The following LRBA variants were observed in gnomAD, a reference collection of about 807,000 sequenced individuals.
LRBA encodes the protein LPS responsive beige-like anchor protein, also known as lipopolysaccharide-responsive and beige-like anchor protein.
LRBA carries 176 observed loss-of-function variants against 330.0 expected under a neutral mutation model. The ratio of observed to expected loss-of-function variants is 0.53; its 90% CI spans 0.47 to 0.60. LRBA has a LOEUF of 0.60. LRBA is among the 20% of genes least tolerant of loss of function. The pLI is 0.00. For missense variants in LRBA, 3,259 were observed against 3,444.8 expected, an observed-to-expected ratio of 0.95 and a Z score of 1.35; for synonymous variants, 1,230 against 1,193.0, an observed-to-expected ratio of 1.03 and a Z score of -0.64.
At chr4:150,694,252 T>G (rs1784412331) in intron 36 of LRBA, among the ~76,000 whole-genome samples, 1 of 151,960 alleles carries the variant, frequency 6.6e-6, no homozygotes, top group Admixed American at 6.6e-5. Flanking sequence ...ACATTTTTAG[T>G]TAACCAAGCA....
intron 36 of LRBA, among the ~76,000 whole-genome samples, chr4:150,727,078 T>TG (rs1170250831): frequency 7.4e-5 from 10 of 135,088 alleles, no homozygotes; most frequent in Non-Finnish European, 1.6e-4. Context: ...TTTTTTTTTT[T>TG]TTTTTTTTTT....
chr4:151,006,437 T>C (rs946942996), intron 2 of LRBA, among the ~76,000 whole-genome samples: 1 of 152,130 alleles, frequency 6.6e-6, no homozygotes, highest in African/African-American at 2.4e-5. Context: ...ACTTTTGAAG[T>C]ATCAAAACAC....
At chr4:150,642,349 A>T (rs867059454) in intron 37 of LRBA, among the ~76,000 whole-genome samples, 1 of 151,956 alleles carries the variant, frequency 6.6e-6, no homozygotes, top group South Asian at 2.1e-4. Flanking sequence ...AAAGATAAAG[A>T]TAAGCTTTTA....
At chr4:150,582,762 T>A in intron 40 of LRBA, 1 of 411,634 alleles carries the variant, frequency 2.4e-6, no homozygotes, top group Non-Finnish European at 4.3e-6. Context: ...GCAAAAAGGT[T>A]CCAAGAGGTA....
At chr4:150,803,223 T>C (rs1741998914) in intron 33 of LRBA, among the ~76,000 whole-genome samples, 1 of 151,436 alleles carries the variant, frequency 6.6e-6, no homozygotes, top group Non-Finnish European at 1.5e-5. Context: ...TTAGGTGTAA[T>C]AGCAGCATTG....
intron 34 of LRBA, among the ~76,000 whole-genome samples, chr4:150,786,551 T>C (rs961329344): frequency 3.3e-5 from 5 of 152,048 alleles, no homozygotes; most frequent in African/African-American, 7.2e-5. Context: ...GCCTAGACTT[T>C]TGTATTTCTG....
rs746676541 is a variant in LRBA at position 150,808,301 on chromosome 4, A to T, written c.5384+19T>A. ...TCAAAAGGTATAAATCACAATATTC[A>T]AGTTAGTAGCTTAAATACCTCATAT... On this transcript the variant is annotated intron_variant, in intron 32 of 56. Coordinates refer to ENST00000651943, the MANE Select transcript of LRBA (RefSeq NM_001364905.1). 2 of 1,555,324 alleles carry T rather than the reference A, an allele frequency of 1.3e-6. No individual in the cohort carries two copies. The highest frequency in any genetic ancestry group is 1.8e-6 in the Non-Finnish European group (2 of 1,130,632).
At chr4:150,666,815 G>A (rs1334557551) in intron 37 of LRBA, among the ~76,000 whole-genome samples, 1 of 152,066 alleles carries the variant, frequency 6.6e-6, no homozygotes, top group African/African-American at 2.4e-5. Flanking sequence ...CAAAGCCTTA[G>A]TCACATCCAT....
At chr4:150,920,896 T>C (rs1733181386) in intron 5 of LRBA, among the ~76,000 whole-genome samples, 1 of 152,096 alleles carries the variant, frequency 6.6e-6, no homozygotes, top group African/African-American at 2.4e-5. Flanking sequence ...AAGATAGACA[T>C]GAAGGTGTTA....
intron 35 of LRBA, among the ~76,000 whole-genome samples, chr4:150,760,128 C>A (rs1222060634): frequency 6.6e-6 from 1 of 152,110 alleles, no homozygotes; most frequent in African/African-American, 2.4e-5. Flanking sequence ...GCTCCAGTCA[C>A]CTCTTTTTCC....
chr4:150,300,252 T>C (rs903867751), intron 53 of LRBA, among the ~76,000 whole-genome samples: 5 of 152,086 alleles, frequency 3.3e-5, no homozygotes, highest in Admixed American at 2.6e-4. Context: ...ATACAGGGGC[T>C]TGAAAGGATA....
In LRBA at chr4:151,014,555, C is replaced by T. The variant is rs780927941; in HGVS notation, c.88G>A (p.Gly30Arg). 10 of 1,613,510 alleles carry T rather than the reference C, an allele frequency of 6.2e-6. No homozygotes were observed. Among genetic ancestry groups the T allele is most frequent in the Non-Finnish European group, 8.5e-6 (10 of 1,179,756 alleles). Residue 30 changes from glycine (G) to arginine (R), a missense_variant, in exon 2 of 57, where the codon GGG (glycine) becomes AGG (arginine). Physicochemically the swap from Gly to Arg is moderately radical, Grantham distance 125. Coordinates refer to ENST00000651943, the MANE Select transcript of LRBA (RefSeq NM_001364905.1). ...CCTGGTTTCAGAGACAATGCACCCC[C>T]TTCAGTAGGGGTTTCTTCTCTCCCT... The part of the protein sequence containing the change: ...GGGREETPTE[G>R]GALSLKPGLP...
intron 42 of LRBA, among the ~76,000 whole-genome samples, chr4:150,485,997 C>T (rs1757828751): frequency 6.6e-6 from 1 of 151,708 alleles, no homozygotes. Flanking sequence ...CAAGTAAGTT[C>T]TGGGAATCTA....
chr4:150,738,335 T>C (rs1731497722), intron 35 of LRBA, among the ~76,000 whole-genome samples: 1 of 152,116 alleles, frequency 6.6e-6, no homozygotes, highest in African/African-American at 2.4e-5. Context: ...TTTTTCTTGC[T>C]AAGCTGTGTT....
chr4:150,482,523 A>T (rs1025835222), intron 42 of LRBA, among the ~76,000 whole-genome samples: 1 of 152,046 alleles, frequency 6.6e-6, no homozygotes, highest in South Asian at 2.1e-4. Context: ...GCATGAACAT[A>T]TATTTTCATT....
rs554331836 is a variant in LRBA, at chr4:150,561,036, A to G, written c.6330+27012T>C. 3.9e-5 allele frequency among the ~76,000 whole-genome samples: 6 copies of G among 152,316 alleles called. No individual in the cohort carries two copies. In the East Asian group the frequency reaches 1.2e-3, roughly 29 times the overall value. On this transcript the variant is annotated intron_variant, in intron 40 of 56. Transcript: ENST00000651943. Reference sequence around the variant, plus strand: ...GTAAATGCTAGCTGAAACTACAGTAACAATTTATAAACAGTAATTCTCTAC... The same window carrying G: ...GTAAATGCTAGCTGAAACTACAGTAGCAATTTATAAACAGTAATTCTCTAC...
intron 31 of LRBA, among the ~76,000 whole-genome samples, chr4:150,812,920 G>A (rs1323604736): frequency 6.6e-6 from 1 of 152,066 alleles, no homozygotes; most frequent in Non-Finnish European, 1.5e-5. Context: ...AAGGGATATG[G>A]GTGAAAGTGG....
Position 150,573,023 on chromosome 4 carries a change from C to G in LRBA, c.6330+15025G>C, listed in dbSNP as rs550092773. On this transcript the variant is annotated intron_variant, in intron 40 of 56. Transcript: ENST00000651943. ...AACCTAACGATATGAAACTAGCCAA[C>G]AGAACAGTAAATTCTGCCTCCCTGC... Among the ~76,000 whole-genome samples, 5 of 152,236 alleles carry G rather than the reference C, an allele frequency of 3.3e-5. No individual in the cohort carries two copies. The South Asian group carries it at 6.2e-4, about 19-fold the overall frequency.
intron 2 of LRBA, among the ~76,000 whole-genome samples, chr4:151,012,172 C>CTACT (rs1744935599): frequency 6.6e-6 from 1 of 152,138 alleles, no homozygotes; most frequent in South Asian, 2.1e-4. Flanking sequence ...ATCCAGGCAC[C>CTACT]TACTATCCTG....
Sources: gnomAD v4.1 joint callset for allele counts (sites outside exome capture counted in the v4.1 genomes callset) on GRCh38, gnomAD v4.1.1 for gene constraint, MANE v1.5 for transcripts, NCBI Gene and HGNC (gene_info 2026-07-23, HGNC 2026-07-21) for gene names.